The following KLHL1 variants were observed in gnomAD, a reference collection of about 807,000 sequenced individuals.
The protein encoded by KLHL1 is kelch-like protein 1.
In KLHL1, 47 loss-of-function variants were observed where a neutral mutation model predicts 77.7. That is an observed-to-expected ratio of 0.60 (90% confidence interval 0.48 to 0.77). The LOEUF (loss-of-function observed/expected upper bound fraction) is 0.77, where lower values mean the gene tolerates loss of function less well. Among genes scored for constraint, KLHL1 ranks in the 30% least tolerant of loss-of-function variants. The pLI, the probability that KLHL1 is intolerant of heterozygous loss-of-function variation, is 0.00. For missense variants in KLHL1, 925 were observed against 910.8 expected (o/e 1.02, Z -0.20); for synonymous variants, 360 against 325.2 (o/e 1.11, Z -1.15).
intron 1 of KLHL1, among the ~76,000 whole-genome samples, chr13:70,096,820 A>C (rs1481541120): frequency 6.6e-6 from 1 of 151,958 alleles, no homozygotes; most frequent in Admixed American, 6.6e-5. Flanking sequence ...GCTACCTCCT[A>C]TTGCAGGGAA....
At chr13:70,010,075 A>T (rs1469090068) in intron 1 of KLHL1, among the ~76,000 whole-genome samples, 1 of 152,062 alleles carries the variant, frequency 6.6e-6, no homozygotes, top group African/African-American at 2.4e-5. Flanking sequence ...GTTTCAAAAC[A>T]AGGAAACAAG....
intron 1 of KLHL1, among the ~76,000 whole-genome samples, chr13:70,095,149 C>G (rs1887756391): frequency 6.6e-6 from 1 of 152,130 alleles, no homozygotes; most frequent in Non-Finnish European, 1.5e-5. Context: ...ATCTACCCAG[C>G]ATAATGAATG....
intron 7 of KLHL1, among the ~76,000 whole-genome samples, chr13:69,774,748 T>C (rs980802812): frequency 6.6e-6 from 1 of 152,178 alleles, no homozygotes; most frequent in African/African-American, 2.4e-5. Flanking sequence ...TAATATTTTC[T>C]TGTATATTAA....
At chr13:70,001,488 C>T (rs901901721) in intron 1 of KLHL1, among the ~76,000 whole-genome samples, 6 of 151,096 alleles carry the variant, frequency 4.0e-5, no homozygotes, top group African/African-American at 1.5e-4. Context: ...GATTATATAA[C>T]TTGTACTTAA....
At chr13:70,068,556 A>G (rs1269923187) in intron 1 of KLHL1, among the ~76,000 whole-genome samples, 2 of 152,174 alleles carry the variant, frequency 1.3e-5, no homozygotes, top group East Asian at 1.9e-4. Context: ...TGAACTTCCA[A>G]TATTATATTT....
At position 70,107,299 on chromosome 13, in the gene KLHL1, T is replaced by A; in HGVS notation, c.401A>T (p.Asp134Val). 6.2e-7 allele frequency: 1 copy of A among 1,614,060 alleles called. No individual in the cohort carries two copies. The highest frequency in any genetic ancestry group is 2.2e-5 in the East Asian group (1 of 44,860). Residue 134 changes from aspartate (D) to valine (V), a missense_variant, in exon 1 of 11, where the codon GAC becomes GTC. Coordinates refer to ENST00000377844, the MANE Select transcript of KLHL1 (RefSeq NM_020866.3). ...CCCTTTTTCGTGTGGTCCAGGAAAG[T>A]CCATGCCTGGCACCACCTCCTCCTC... ...SLEEEVVPGM[D>V]FPGPHEKGLV...
At chr13:70,095,210 A>T (rs560076953) in intron 1 of KLHL1, among the ~76,000 whole-genome samples, 77 of 152,192 alleles carry the variant, frequency 5.1e-4, no homozygotes, top group African/African-American at 1.8e-3. Flanking sequence ...GGATTTTGAG[A>T]CCCTCTATAA....
rs779329000 is a variant in KLHL1, at chr13:69,707,755, A to G, written c.2057T>C (p.Leu686Ser). Residue 686 changes from leucine (L) to serine (S), a missense_variant, in exon 10 of 11, where the codon TTG (leucine) becomes TCG (serine). Physicochemically the swap from Leu to Ser is moderately radical, Grantham distance 145. Coordinates refer to ENST00000377844, the MANE Select transcript of KLHL1 (RefSeq NM_020866.3). ...CCCAACAGCATCTCTGGGCATACTC[A>G]AAGGAGCCACCATGGTCCAAGTGTC... ...KTDTWTMVAP[L>S]SMPRDAVGVC... is the part of the protein sequence containing the mutation. The G allele has an allele frequency of 1.1e-5, 18 of 1,612,728 alleles. No homozygotes were observed.
At chr13:70,056,927 C>T (rs1246754820) in intron 1 of KLHL1, among the ~76,000 whole-genome samples, 1 of 151,762 alleles carries the variant, frequency 6.6e-6, no homozygotes, top group Non-Finnish European at 1.5e-5. Flanking sequence ...AGGAGCAAAC[C>T]AAACCCAAAA....
At chr13:70,002,245 G>T (rs1325820513) in intron 1 of KLHL1, among the ~76,000 whole-genome samples, 2 of 151,492 alleles carry the variant, frequency 1.3e-5, no homozygotes, top group Admixed American at 1.3e-4. Flanking sequence ...TAAAGAAAAA[G>T]ATTCCAAAAT....
chr13:70,025,799 T>A (rs61964216), intron 1 of KLHL1, among the ~76,000 whole-genome samples: 9,266 of 152,012 alleles, frequency 0.061, 299 homozygotes, highest in Non-Finnish European at 0.069. Context: ...CAATTCTGAG[T>A]GAATAAATTG....
intron 1 of KLHL1, among the ~76,000 whole-genome samples, chr13:70,065,410 T>C (rs951986064): frequency 2.0e-5 from 3 of 152,070 alleles, no homozygotes; most frequent in Admixed American, 6.6e-5. Context: ...TCCTACACCT[T>C]GAGACATATT....
At chr13:69,961,601 CA>C (rs1390976566) in intron 2 of KLHL1, among the ~76,000 whole-genome samples, 157 bp from the exon 3 acceptor site, 1 of 152,046 alleles carries the variant, frequency 6.6e-6, no homozygotes, top group Non-Finnish European at 1.5e-5. Context: ...AAAACTGATT[CA>C]AAAACTCTTC....
chr13:70,093,591 T>C (rs536311690), intron 1 of KLHL1, among the ~76,000 whole-genome samples: 1 of 152,278 alleles, frequency 6.6e-6, no homozygotes, highest in South Asian at 2.1e-4. Flanking sequence ...AATATATTTA[T>C]AGAAATATTT....
chr13:69,825,940 T>C (rs1485481916), intron 6 of KLHL1, among the ~76,000 whole-genome samples: 1 of 152,236 alleles, frequency 6.6e-6, no homozygotes, highest in African/African-American at 2.4e-5. Flanking sequence ...TATAGAACTT[T>C]TATTTGACGT....
At chr13:69,861,760 C>A (rs1880171193) in intron 5 of KLHL1, among the ~76,000 whole-genome samples, 1 of 134,368 alleles carries the variant, frequency 7.4e-6, no homozygotes, top group African/African-American at 2.8e-5. Context: ...TCAGCCTGAC[C>A]AACATGGAGA....
chr13:69,797,672 A>C (rs1306794792), intron 6 of KLHL1, among the ~76,000 whole-genome samples: 1 of 151,284 alleles, frequency 6.6e-6, no homozygotes, highest in Non-Finnish European at 1.5e-5. Context: ...CAAAAAAAAA[A>C]AAAAAAATTA....
intron 4 of KLHL1, among the ~76,000 whole-genome samples, chr13:69,939,345 A>G (rs1363443317): frequency 1.5e-4 from 5 of 33,344 alleles, no homozygotes; most frequent in Non-Finnish European, 2.9e-4. Flanking sequence ...ACATACATAT[A>G]TATATATATA....
At chr13:70,017,884 C>T (rs1566502446) in intron 1 of KLHL1, among the ~76,000 whole-genome samples, 1 of 152,076 alleles carries the variant, frequency 6.6e-6, no homozygotes, top group African/African-American at 2.4e-5. Context: ...GGTGAGGGCA[C>T]TATCAAACAA....
Sources: gnomAD v4.1 joint callset for allele counts (sites outside exome capture counted in the v4.1 genomes callset) on GRCh38, gnomAD v4.1.1 for gene constraint, MANE v1.5 for transcripts, NCBI Gene and HGNC (gene_info 2026-07-23, HGNC 2026-07-21) for gene names.